Variants in IKZF1 observed in about 807,000 individuals in gnomAD.
IKZF1 encodes the protein IKAROS family zinc finger 1, also known as DNA-binding protein Ikaros.
IKZF1 carries 10 observed loss-of-function variants against 51.7 expected under a neutral mutation model. The ratio of observed to expected loss-of-function variants is 0.19; its 90% CI spans 0.12 to 0.33. IKZF1 has a LOEUF of 0.33. Among genes scored for constraint, IKZF1 ranks in the 10% least tolerant of loss-of-function variants. IKZF1 has a pLI of 1.00. For missense variants in IKZF1, 484 were observed against 707.5 expected, an observed-to-expected ratio of 0.68 and a Z score of 3.58; for synonymous variants, 280 against 282.3, an observed-to-expected ratio of 0.99 and a Z score of 0.08.
chr7:50,379,740 A>G (rs544241041), intron 4 of IKZF1, among the ~76,000 whole-genome samples: 170 of 152,344 alleles, frequency 1.1e-3, no homozygotes, highest in African/African-American at 4.0e-3. Context: ...TGCTCCTCCC[A>G]GGTATGATTG....
intron 7 of IKZF1, chr7:50,393,844 A>G (rs1815927427): frequency 4.3e-6 from 1 of 232,778 alleles, no homozygotes; most frequent in Non-Finnish European, 8.5e-6. Flanking sequence ...TAAGGCAGCA[A>G]GTGTGTGCAA....
At chr7:50,365,574 C>A (rs1806648290) in intron 3 of IKZF1, among the ~76,000 whole-genome samples, 1 of 152,048 alleles carries the variant, frequency 6.6e-6, no homozygotes, top group Admixed American at 6.6e-5. Flanking sequence ...AAATCAAAAC[C>A]ACAATGAGAT....
rs374267123 is a variant in IKZF1, at chr7:50,319,076, G to C, written c.15G>C (p.Glu5Asp). The C allele has an allele frequency of 2.5e-6, 4 of 1,613,474 alleles. No individual in the cohort carries two copies. In the South Asian group the frequency reaches 4.4e-5, roughly 18 times the overall value. The change falls in exon 2 of 8, where the codon GAG becomes GAC. Residue 5 changes from glutamate (E) to aspartate (D), a missense_variant. By Grantham distance (45) the Glu-to-Asp change is conservative. Around this residue, in one of 6 missense-constraint regions of IKZF1, gnomAD observed 118 missense variants for 138.4 expected, o/e 0.85. Transcript: ENST00000331340. Reference sequence around the variant, plus strand: ...ACCTGAGGACCATGGATGCTGATGAGGGTCAAGACATGTCCCAAGTTTCAG... The same window carrying C: ...ACCTGAGGACCATGGATGCTGATGACGGTCAAGACATGTCCCAAGTTTCAG... MDAD[E>D]GQDMSQVSGK...
At position 50,402,286 on chromosome 7, in the gene IKZF1, C is replaced by G. The variant is rs1379592642; in HGVS notation, c.*1659C>G. ...CAGAGAGGAAATTGTACATAAGTACCTCAGCATTTAATCCAAACAGGGGTT... is the reference window on the plus strand; with the variant it reads ...CAGAGAGGAAATTGTACATAAGTACGTCAGCATTTAATCCAAACAGGGGTT... On this transcript the variant is annotated 3_prime_UTR_variant, in exon 8 of 8. Transcript: ENST00000331340. 2 of 230,566 alleles carry G rather than the reference C, an allele frequency of 8.7e-6. No individual in the cohort carries two copies. The highest frequency in any genetic ancestry group is 4.4e-5 in the African/African-American group (2 of 45,176). 14.3% of individuals were successfully genotyped at this position (230,566 alleles called of 1,614,324 possible).
chr7:50,394,595 C>T (rs1051641481), intron 7 of IKZF1, among the ~76,000 whole-genome samples: 3 of 152,176 alleles, frequency 2.0e-5, no homozygotes, highest in Non-Finnish European at 4.4e-5. Flanking sequence ...GCCCTGCCTC[C>T]TCCCAGAGCT....
rs1798937298 is a variant in IKZF1, at chr7:50,341,010, A to G, written c.160+13253A>G. Among the ~76,000 whole-genome samples the G allele has an allele frequency of 3.3e-5, 5 of 152,312 alleles. No individual in the cohort carries two copies. In the South Asian group the frequency reaches 1.0e-3, roughly 32 times the overall value. ...GCTTTAAGTGTAAAAATTTCTGTTA[A>G]GGTTTTATATGTGTTAGTTAATTTT... On this transcript the variant is annotated intron_variant, in intron 3 of 7. Transcript: ENST00000331340.
chr7:50,402,972 C>CT lies in IKZF1; in HGVS notation c.*2346dup, dbSNP rs1246321816. The CT allele has an allele frequency of 4.4e-5, 10 of 227,404 alleles. No individual in the cohort carries two copies. The highest frequency in any genetic ancestry group is 2.3e-4 in the Admixed American group (4 of 17,600). 14.1% of individuals were successfully genotyped at this position (227,404 alleles called of 1,614,324 possible). On this transcript the variant is annotated 3_prime_UTR_variant, in exon 8 of 8. Coordinates refer to ENST00000331340, the MANE Select transcript of IKZF1 (RefSeq NM_006060.6). Reference sequence around the variant, plus strand: ...CAGTTTGTTGCAAATTTCACCTACTCTGTTCTTTTCCATCCATCCCCCTGA... The same window carrying CT: ...CAGTTTGTTGCAAATTTCACCTACTCTTGTTCTTTTCCATCCATCCCCCTGA...
intron 4 of IKZF1, among the ~76,000 whole-genome samples, chr7:50,379,665 G>A (rs76557218): frequency 0.07 from 10,664 of 152,206 alleles, 522 homozygotes; most frequent in South Asian, 0.093. Context: ...TGCCTATCTA[G>A]TTCCCATCTG....
chr7:50,395,562 A>G (rs1169689302), intron 7 of IKZF1, among the ~76,000 whole-genome samples: 1 of 152,142 alleles, frequency 6.6e-6, no homozygotes, highest in Non-Finnish European at 1.5e-5. Flanking sequence ...TTATCTTATT[A>G]TTTTTACATT....
At chr7:50,373,526 G>A (rs1318961027) in intron 3 of IKZF1, among the ~76,000 whole-genome samples, 2 of 152,142 alleles carry the variant, frequency 1.3e-5, no homozygotes, top group Non-Finnish European at 2.9e-5. Context: ...CCTTTTTCTA[G>A]CCTCGGAAGC....
intron 5 of IKZF1, among the ~76,000 whole-genome samples, chr7:50,382,962 T>G (rs1812284153): frequency 6.6e-6 from 1 of 151,982 alleles, no homozygotes; most frequent in Non-Finnish European, 1.5e-5. Flanking sequence ...TCACCTTAGG[T>G]AGCATGTTTC....
intron 5 of IKZF1, among the ~76,000 whole-genome samples, chr7:50,384,519 T>C (rs1185472748): frequency 6.6e-6 from 1 of 152,226 alleles, no homozygotes; most frequent in Non-Finnish European, 1.5e-5. Context: ...GACACTTGCC[T>C]TGTTACAGAG....
In IKZF1 at chr7:50,402,523, T is replaced by A. The variant is rs1174591834; in HGVS notation, c.*1896T>A. The A allele has an allele frequency of 4.3e-6, 1 of 231,874 alleles. No homozygotes were observed. The highest frequency in any genetic ancestry group is 5.6e-5 in the Admixed American group (1 of 17,712). 14.4% of individuals were successfully genotyped at this position (231,874 alleles called of 1,614,324 possible). ...GGGGAGAACCACTGACCCAAATGAATTCTAAACCAATCAAATGTCTGGGAA... is the reference window on the plus strand; with the variant it reads ...GGGGAGAACCACTGACCCAAATGAAATCTAAACCAATCAAATGTCTGGGAA... On this transcript the variant is annotated 3_prime_UTR_variant, in exon 8 of 8. Coordinates refer to ENST00000331340, the MANE Select transcript of IKZF1 (RefSeq NM_006060.6).
chr7:50,305,565 A>C (rs1788588413), intron 1 of IKZF1, among the ~76,000 whole-genome samples: 1 of 152,112 alleles, frequency 6.6e-6, no homozygotes, highest in Admixed American at 6.5e-5. Flanking sequence ...ATGACCGAAA[A>C]CCGTAGCGAT....
At chr7:50,321,987 A>G (rs1793488519) in intron 2 of IKZF1, among the ~76,000 whole-genome samples, 1 of 152,214 alleles carries the variant, frequency 6.6e-6, no homozygotes, top group Admixed American at 6.5e-5. Context: ...TCCTATTTCT[A>G]AAACACTCAT....
chr7:50,341,087 C>A (rs914025958), intron 3 of IKZF1, among the ~76,000 whole-genome samples: 44 of 150,764 alleles, frequency 2.9e-4, no homozygotes, highest in Non-Finnish European at 5.5e-4. Flanking sequence ...TAAAAATATA[C>A]CCTTAAAATC....
At chr7:50,304,064 G>A (rs1282698424), upstream of IKZF1, 6 of 143,948 alleles carry the variant, frequency 4.2e-5, no homozygotes, top group Non-Finnish European at 4.6e-5. Flanking sequence ...GCGGCGCGCC[G>A]AGCGGGCCCG....
At chr7:50,380,238 C>A (rs1464701271) in intron 4 of IKZF1, among the ~76,000 whole-genome samples, 1 of 152,186 alleles carries the variant, frequency 6.6e-6, no homozygotes, top group Non-Finnish European at 1.5e-5. Flanking sequence ...GTGTTCATAC[C>A]AGCATAGGCA....
At chr7:50,351,493 C>T (rs1193986890) in intron 3 of IKZF1, among the ~76,000 whole-genome samples, 1 of 152,182 alleles carries the variant, frequency 6.6e-6, no homozygotes, top group East Asian at 1.9e-4. Context: ...CTCATTTACC[C>T]CACCTGAGAT....
Sources: gnomAD v4.1 joint callset for allele counts (sites outside exome capture counted in the v4.1 genomes callset) on GRCh38, gnomAD v4.1.1 for gene constraint, gnomAD v4.1.1 regional missense constraint, MANE v1.5 for transcripts, NCBI Gene and HGNC (gene_info 2026-07-23, HGNC 2026-07-21) for gene names.